The following TMC6 variants were observed in gnomAD, a reference collection of about 807,000 sequenced individuals.
TMC6 encodes transmembrane channel like 6, also known as transmembrane channel-like protein 6.
Under a neutral mutation model 95.4 loss-of-function variants are expected in TMC6, and 71 were observed. That is an observed-to-expected ratio of 0.74 (90% CI 0.61 to 0.91). TMC6 has a LOEUF of 0.91. Ranked by LOEUF, TMC6 falls within the 40% of genes least tolerant of loss-of-function variation. The pLI, the probability that TMC6 is intolerant of heterozygous loss-of-function variation, is 0.00. For synonymous variants in TMC6, 514 were observed against 483.1 expected (o/e 1.06, Z -0.84); for missense variants, 1,074 against 1,079.1 (o/e 1.00, Z 0.07).
At chr17:78,120,923 C>T in intron 12 of TMC6, 90 bp downstream of exon 12, 1 of 1,612,106 alleles carries the variant, frequency 6.2e-7, no homozygotes, top group Non-Finnish European at 8.5e-7. Context: ...GTCACACCGG[C>T]CTCATCCTAA....
At chr17:78,120,866 G>A (rs1449050531) in intron 12 of TMC6, 34 bp from the exon 13 acceptor site, 3 of 1,610,200 alleles carry the variant, frequency 1.9e-6, no homozygotes, top group African/African-American at 1.3e-5. Context: ...CTGAGGGGCG[G>A]GTACAGGGGA....
rs745973954 is a variant in TMC6, at chr17:78,122,644, G to A, written c.1188C>T (p.Ala396=). 1.2e-6 allele frequency: 2 copies of A among 1,612,124 alleles called. No individual in the cohort carries two copies. Among genetic ancestry groups the A allele is most frequent in the East Asian group, 2.2e-5 (1 of 44,884 alleles). Residue 396 remains alanine (A), a synonymous_variant, in exon 10 of 20, where the codon GCC becomes GCT. Transcript: ENST00000590602. The surrounding 1 kb of genome is among the most constrained non-coding windows in gnomAD (Gnocchi z 4.9). ...SWDYKVTQKR[A]SRLQQDNIRT... is the part of the protein sequence containing the mutation. The stretch of plus-strand genomic sequence containing the variant: ...GAATATTGTCCTGCTGGAGGCGGGA[G>A]GCCCGCTTCTGCGTCACCTTGTAGT...
chr17:78,121,950 G>A lies in TMC6; in HGVS notation c.1228-239C>T, dbSNP rs375800144. On this transcript the variant is annotated intron_variant, in intron 10 of 19. Coordinates refer to ENST00000590602, the MANE Select transcript of TMC6 (RefSeq NM_001127198.5). This position sits in a 1 kb window ranked among gnomAD's most constrained non-coding sequence, Gnocchi z 5.6. ...TGTGCCTGGGCTGGCGTTCACTCCCGAGGCCTGCCTCAACCCCTCTCCACC... is the reference window on the plus strand; with the variant it reads ...TGTGCCTGGGCTGGCGTTCACTCCCAAGGCCTGCCTCAACCCCTCTCCACC... 2.2e-4 allele frequency among the ~76,000 whole-genome samples: 34 copies of A among 152,022 alleles called. No homozygotes were observed. Among genetic ancestry groups the A allele is most frequent in the Non-Finnish European group, 3.7e-4 (25 of 67,988 alleles).
At chr17:78,131,085 C>A (rs948883218), upstream of TMC6, 1 of 201,356 alleles carries the variant, frequency 5.0e-6, no homozygotes, top group Non-Finnish European at 1.0e-5. Flanking sequence ...TGCCGAGTCC[C>A]AGGAACTGTG....
chr17:78,117,660 A>T lies in TMC6; in HGVS notation c.2022-16T>A, dbSNP rs757038262. The T allele has an allele frequency of 1.7e-5, 27 of 1,560,704 alleles. No homozygotes were observed. The Admixed American group carries it at 4.9e-4, about 29-fold the overall frequency. ...GGGCTTCACCCTGGGGAAGATGCCG[A>T]CCAGGAACCCTCACCCCGAGCAACA... On this transcript the variant is annotated splice_polypyrimidine_tract_variant and intron_variant, in intron 16 of 19. Transcript: ENST00000590602.
Position 78,118,912 on chromosome 17 carries a change from C to T in TMC6, c.1887+59G>A, listed in dbSNP as rs889687603. 7 of 1,531,864 alleles carry T rather than the reference C, an allele frequency of 4.6e-6. No homozygotes were observed. The African/African-American group carries it at 8.2e-5, about 18-fold the overall frequency. The allele number at this position is 1,531,864 out of a possible 1,614,324, so 94.9% of individuals were successfully genotyped here. ...GTCCCAGGCTCTGCCCAGCTGAGTC[C>T]TGCCCCCACTGCCGGCCACCCTGCC... On this transcript the variant is annotated intron_variant, in intron 15 of 19. Coordinates refer to ENST00000590602, the MANE Select transcript of TMC6 (RefSeq NM_001127198.5).
At chr17:78,118,763 G>A (rs986037957) in intron 15 of TMC6, among the ~76,000 whole-genome samples, 2 of 152,132 alleles carry the variant, frequency 1.3e-5, no homozygotes, top group African/African-American at 4.8e-5. Flanking sequence ...TGAACCCAGC[G>A]ATGCTTCCCA....
In TMC6 at chr17:78,126,877, G is replaced by C; in HGVS notation, c.-45C>G. The C allele has an allele frequency of 5.0e-6, 8 of 1,602,102 alleles. No homozygotes were observed. Among genetic ancestry groups the C allele is most frequent in the Non-Finnish European group, 6.8e-6 (8 of 1,175,430 alleles). ...TAGTCTGCAGACCTAGGGTAGCTCA[G>C]AGCCTGGGCGCCACCTCCGGAGCCC... On this transcript the variant is annotated 5_prime_UTR_variant, in exon 2 of 20. Transcript: ENST00000590602.
chr17:78,124,473 G>C, intron 8 of TMC6, 51 bp downstream of exon 8: 1 of 1,598,634 alleles, frequency 6.3e-7, no homozygotes, highest in South Asian at 1.1e-5. Flanking sequence ...CACGGTACCA[G>C]GGTAGCAGAA....
chr17:78,120,807 G>T lies in TMC6; in HGVS notation c.1561C>A (p.Leu521Met), dbSNP rs751047936. 1 of 1,613,020 alleles carries T rather than the reference G, an allele frequency of 6.2e-7. No individual in the cohort carries two copies. The highest frequency in any genetic ancestry group is 8.5e-7 in the Non-Finnish European group (1 of 1,179,436). The change falls in exon 13 of 20, where the codon CTG becomes ATG. Residue 521 changes from leucine to methionine, a missense_variant. By Grantham distance (15) the Leu-to-Met change is conservative (BLOSUM62 2). Coordinates refer to ENST00000590602, the MANE Select transcript of TMC6 (RefSeq NM_001127198.5). Reference protein sequence around the residue: ...CRNLILKLAILGTLCYHWLGR... With the variant: ...CRNLILKLAIMGTLCYHWLGR... ...AGCCAGTGGTAGCACAGTGTCCCCA[G>T]GATGGCCAGCTTGAGGATGAGGTTC...
At position 78,108,967 on chromosome 17, in the gene TMC6, C is replaced by T. The variant is rs970572106; in HGVS notation, c.*4181G>A. ...TCCAGCGATCTTCCGACCTCAGCCT[C>T]CCAAGTAGCTGGGACCACAGGCATG... On this transcript the variant is annotated 3_prime_UTR_variant, in exon 20 of 20. Coordinates refer to ENST00000590602, the MANE Select transcript of TMC6 (RefSeq NM_001127198.5). 8.1e-5 allele frequency: 12 copies of T among 148,828 alleles called. No homozygotes were observed. In the South Asian group the frequency reaches 1.5e-3, roughly 18 times the overall value. 9.2% of individuals were successfully genotyped at this position (148,828 alleles called of 1,614,324 possible). A position where few individuals can be genotyped will look rare whatever the true frequency, so the allele number is the denominator to read the frequency against.
intron 1 of TMC6, 81 bp from the exon 2 acceptor site, chr17:78,126,987 C>T (rs1160232169): frequency 1.2e-6 from 1 of 858,170 alleles, no homozygotes; most frequent in Non-Finnish European, 1.9e-6. Context: ...GGGGGAACCA[C>T]AGGAGGTGCC....
In TMC6 at chr17:78,124,505, A is replaced by T. The variant is rs1206856173; in HGVS notation, c.891+19T>A. 2.5e-6 allele frequency: 4 copies of T among 1,606,558 alleles called. No individual in the cohort carries two copies. The highest frequency in any genetic ancestry group is 3.4e-6 in the Non-Finnish European group (4 of 1,179,686). ...AGAAGACAGGCACCCCCCGTCCCCC[A>T]GTCCTAGGGCTTCCTCACCGCGCCT... On this transcript the variant is annotated intron_variant, in intron 8 of 19. Coordinates refer to ENST00000590602, the MANE Select transcript of TMC6 (RefSeq NM_001127198.5).
At chr17:78,113,353 A>C in intron 19 of TMC6, 142 bp from the exon 20 acceptor site, 1 of 1,247,342 alleles carries the variant, frequency 8.0e-7, no homozygotes, top group Non-Finnish European at 1.1e-6. Flanking sequence ...TCCCTGTCAA[A>C]ATGGCCAGGC....
chr17:78,123,584 A>AATGG (rs1349610747), intron 9 of TMC6, among the ~76,000 whole-genome samples: 1 of 97,438 alleles, frequency 1.0e-5, no homozygotes, highest in Non-Finnish European at 2.1e-5. Flanking sequence ...TGAATGTGTG[A>AATGG]ATGGATGGAT....
At chr17:78,116,324 T>C (rs1191913445) in intron 18 of TMC6, among the ~76,000 whole-genome samples, 1 of 149,428 alleles carries the variant, frequency 6.7e-6, no homozygotes, top group African/African-American at 2.5e-5. Flanking sequence ...TCACCCAGGC[T>C]GGAGCGCAGT....
chr17:78,125,196 G>A lies in TMC6; in HGVS notation c.498C>T (p.Arg166=), dbSNP rs765536630. ...TCTCAGCCAGGCTTAAGGGCATCCC[G>A]CGAAGCATGTGGTCCCGCTGTGCCA... ...LAVAQRDHML[R]GMPLSLAEKR... Residue 166 remains arginine, a synonymous_variant, in exon 6 of 20, where the codon CGC becomes CGT. Coordinates refer to ENST00000590602, the MANE Select transcript of TMC6 (RefSeq NM_001127198.5). The A allele has an allele frequency of 1.3e-5, 21 of 1,586,942 alleles. 1 individual carries two copies. In the Admixed American group the frequency reaches 2.5e-4, roughly 19 times the overall value.
intron 18 of TMC6, 171 bp from the exon 19 acceptor site, chr17:78,113,795 C>G: frequency 1.4e-6 from 1 of 708,620 alleles, no homozygotes; most frequent in South Asian, 1.5e-5. Flanking sequence ...AAGGAAAAAC[C>G]AAGAGCCAGG....
In TMC6 at chr17:78,109,478, G is replaced by C. The variant is rs201536786; in HGVS notation, c.*3670C>G. The C allele has an allele frequency of 1.4e-4, 64 of 456,604 alleles. No individual in the cohort carries two copies. Among genetic ancestry groups the C allele is most frequent in the Non-Finnish European group, 2.2e-4 (50 of 226,990 alleles). 28.3% of individuals were successfully genotyped at this position (456,604 alleles called of 1,614,324 possible). On this transcript the variant is annotated 3_prime_UTR_variant, in exon 20 of 20. Coordinates refer to ENST00000590602, the MANE Select transcript of TMC6 (RefSeq NM_001127198.5). Reference sequence around the variant, plus strand: ...CTGGCCCCTGAACAGCACAAGTGTAGTATGCCTGGGCCCCAGGTCATCATG... The same window carrying C: ...CTGGCCCCTGAACAGCACAAGTGTACTATGCCTGGGCCCCAGGTCATCATG...
Sources: gnomAD v4.1 joint callset for allele counts (sites outside exome capture counted in the v4.1 genomes callset) on GRCh38, gnomAD v4.1.1 for gene constraint, Gnocchi (gnomAD v3.1) non-coding constraint, MANE v1.5 for transcripts, NCBI Gene and HGNC (gene_info 2026-07-23, HGNC 2026-07-21) for gene names.